Variants in ADAM10 observed in about 807,000 individuals in gnomAD.
ADAM10 encodes ADAM metallopeptidase domain 10, also known as disintegrin and metalloproteinase domain-containing protein 10.
ADAM10 carries 17 observed loss-of-function variants against 90.1 expected under a neutral mutation model. The observed-to-expected ratio is 0.19, with a 90% CI of 0.13 to 0.28. The LOEUF is 0.28. Ranked by LOEUF, ADAM10 falls within the 10% of genes least tolerant of loss-of-function variation. The pLI is 1.00. For synonymous variants in ADAM10, 310 were observed against 298.6 expected, an observed-to-expected ratio of 1.04 and a Z score of -0.40; for missense variants, 610 against 914.3, an observed-to-expected ratio of 0.67 and a Z score of 4.29.
chr15:58,725,445 C>T (rs1264230119), intron 1 of ADAM10, among the ~76,000 whole-genome samples: 1 of 150,870 alleles, frequency 6.6e-6, no homozygotes, highest in Non-Finnish European at 1.5e-5. Context: ...ATTCAGGAGG[C>T]TGAGGCAGGA....
intron 5 of ADAM10, among the ~76,000 whole-genome samples, chr15:58,660,463 G>A (rs555785839): frequency 9.3e-5 from 14 of 150,350 alleles, no homozygotes; most frequent in African/African-American, 2.4e-4. Flanking sequence ...CTTAATTAAC[G>A]TGCTTAGTCC....
At chr15:58,660,135 G>A (rs1896932955) in intron 5 of ADAM10, among the ~76,000 whole-genome samples, 1 of 151,966 alleles carries the variant, frequency 6.6e-6, no homozygotes, top group Non-Finnish European at 1.5e-5. Context: ...CCCAATTTCT[G>A]TTCCATCATT....
At position 58,624,248 on chromosome 15, in the gene ADAM10, T is replaced by TGCACTCCAGCCTGGTGACAGAGCGA. The variant is rs531995654; in HGVS notation, c.1361-2652_1361-2628dup. Among the ~76,000 whole-genome samples, 209 of 151,702 alleles carry TGCACTCCAGCCTGGTGACAGAGCGA rather than the reference T, an allele frequency of 1.4e-3. 1 individual carries two copies. The highest frequency in any genetic ancestry group is 4.8e-3 in the African/African-American group (199 of 41,352). On this transcript the variant is annotated intron_variant, in intron 10 of 15. Coordinates refer to ENST00000260408, the MANE Select transcript of ADAM10 (RefSeq NM_001110.4). ...TTGCAGTGAGCCGAGATCGTGCCAC[T>TGCACTCCAGCCTGGTGACAGAGCGA]GCACTCCAGCCTGGTGACAGAGCGA... is the stretch of plus-strand genomic sequence containing the variant.
At chr15:58,692,911 G>C in intron 2 of ADAM10, 1 of 697,802 alleles carries the variant, frequency 1.4e-6, no homozygotes, top group South Asian at 1.4e-5. Context: ...TATGAGATCA[G>C]CCTTGGTCAT....
At position 58,736,853 on chromosome 15, in the gene ADAM10, C is replaced by G. The variant is rs138841701; in HGVS notation, c.55+12627G>C. On this transcript the variant is annotated intron_variant, in intron 1 of 15. Coordinates refer to ENST00000260408, the MANE Select transcript of ADAM10 (RefSeq NM_001110.4). ...GATCCTTTATCAAATTTTATGTAATCCTAGCACTTTGGGAAGTCGAAAGTG... is the reference window on the plus strand; with the variant it reads ...GATCCTTTATCAAATTTTATGTAATGCTAGCACTTTGGGAAGTCGAAAGTG... Among the ~76,000 whole-genome samples the G allele has an allele frequency of 5.2e-3, 798 of 152,048 alleles. 11 individuals are homozygous for G. Among genetic ancestry groups the G allele is most frequent in the African/African-American group, 0.018 (762 of 41,488 alleles).
intron 7 of ADAM10, among the ~76,000 whole-genome samples, chr15:58,642,667 A>G (rs751071892): frequency 6.6e-6 from 1 of 152,162 alleles, no homozygotes; most frequent in African/African-American, 2.4e-5. Context: ...TTCATAATAC[A>G]TATCATTTTC....
At chr15:58,729,074 T>A (rs1424373717) in intron 1 of ADAM10, among the ~76,000 whole-genome samples, 1 of 152,132 alleles carries the variant, frequency 6.6e-6, no homozygotes, top group Non-Finnish European at 1.5e-5. Flanking sequence ...AAAGAAAATA[T>A]GAGCCATGTG....
chr15:58,711,360 T>C (rs891783755), intron 2 of ADAM10, among the ~76,000 whole-genome samples: 1 of 152,214 alleles, frequency 6.6e-6, no homozygotes, highest in African/African-American at 2.4e-5. Flanking sequence ...CTAATATATT[T>C]TGTAGAATTT....
chr15:58,682,000 T>C (rs1451913613), intron 3 of ADAM10, among the ~76,000 whole-genome samples, 196 bp downstream of exon 3: 2 of 152,202 alleles, frequency 1.3e-5, no homozygotes, highest in African/African-American at 4.8e-5. Context: ...AGATATTTCA[T>C]AATTCACTAT....
intron 14 of ADAM10, among the ~76,000 whole-genome samples, chr15:58,606,685 TCA>T (rs1895284353): frequency 6.6e-6 from 1 of 152,144 alleles, no homozygotes; most frequent in Admixed American, 6.5e-5. Flanking sequence ...GAGTCACATA[TCA>T]CAGAGACTGA....
At chr15:58,722,300 C>A (rs1225037379) in intron 1 of ADAM10, among the ~76,000 whole-genome samples, 2 of 151,950 alleles carry the variant, frequency 1.3e-5, no homozygotes, top group Non-Finnish European at 1.5e-5. Context: ...CAAGATCGCA[C>A]CACTGCACTT....
At chr15:58,729,728 C>A (rs1473684703) in intron 1 of ADAM10, among the ~76,000 whole-genome samples, 1 of 152,148 alleles carries the variant, frequency 6.6e-6, no homozygotes, top group Non-Finnish European at 1.5e-5. Flanking sequence ...CTTTGGGAGG[C>A]CAAGGCAGGC....
intron 8 of ADAM10, among the ~76,000 whole-genome samples, chr15:58,636,252 G>C (rs1896248318): frequency 6.7e-6 from 1 of 149,416 alleles, no homozygotes; most frequent in African/African-American, 2.5e-5. Context: ...ACTCCAGCCT[G>C]AGCAACAGAG....
intron 11 of ADAM10, among the ~76,000 whole-genome samples, chr15:58,612,555 C>G (rs1202143882): frequency 6.6e-6 from 1 of 152,124 alleles, no homozygotes; most frequent in African/African-American, 2.4e-5. Flanking sequence ...TTCTGAGGTA[C>G]TTGCTGTTGC....
chr15:58,634,275 C>G (rs1383729715), intron 8 of ADAM10, among the ~76,000 whole-genome samples: 13 of 150,774 alleles, frequency 8.6e-5, no homozygotes, highest in African/African-American at 2.7e-4. Flanking sequence ...GCACTCCAGC[C>G]TGGGCGACAC....
chr15:58,614,832 C>A (rs935763816), intron 11 of ADAM10, among the ~76,000 whole-genome samples: 1 of 152,080 alleles, frequency 6.6e-6, no homozygotes, highest in South Asian at 2.1e-4. Context: ...ACACCAACAC[C>A]GCCATTACCA....
intron 3 of ADAM10, among the ~76,000 whole-genome samples, chr15:58,679,643 A>G (rs1464821806): frequency 1.3e-5 from 2 of 152,130 alleles, no homozygotes; most frequent in East Asian, 3.9e-4. Context: ...TGTGGTTCAC[A>G]CCTATAATCC....
At chr15:58,620,107 T>C (rs1221372784) in intron 11 of ADAM10, among the ~76,000 whole-genome samples, 1 of 152,094 alleles carries the variant, frequency 6.6e-6, no homozygotes, top group Non-Finnish European at 1.5e-5. Flanking sequence ...CATTAGTTAA[T>C]TTATCGCTTT....
intron 2 of ADAM10, chr15:58,693,256 C>G (rs1897882180): frequency 1.8e-6 from 1 of 564,380 alleles, no homozygotes; most frequent in East Asian, 3.6e-5. Context: ...GTCCAAAATG[C>G]ACACGGCACC....
Sources: gnomAD v4.1 joint callset for allele counts (sites outside exome capture counted in the v4.1 genomes callset) on GRCh38, gnomAD v4.1.1 for gene constraint, MANE v1.5 for transcripts, NCBI Gene and HGNC (gene_info 2026-07-23, HGNC 2026-07-21) for gene names.